The following DBX1 variants were observed in gnomAD, a reference collection of about 807,000 sequenced individuals.
DBX1 encodes the protein homeobox protein DBX1.
Under a neutral mutation model 20.8 loss-of-function variants are expected in DBX1, and 10 were observed. The ratio of observed to expected loss-of-function variants is 0.48; its 90% CI spans 0.30 to 0.82. The LOEUF is 0.82. Among genes scored for constraint, DBX1 ranks in the 40% least tolerant of loss-of-function variants. DBX1 has a pLI of 0.07. For synonymous variants in DBX1, 241 were observed against 213.9 expected, an observed-to-expected ratio of 1.13 and a Z score of -1.11; for missense variants, 505 against 468.8, an observed-to-expected ratio of 1.08 and a Z score of -0.71.
chr11:20,160,181 G>T lies in DBX1; in HGVS notation c.144C>A (p.Ser48Arg), dbSNP rs1369407147. The T allele has an allele frequency of 8.4e-6, 13 of 1,547,586 alleles. No individual in the cohort carries two copies. In the East Asian group the frequency reaches 2.7e-4, roughly 32 times the overall value. ...SFLVEDLIRISRPPAYLPRSV... is the reference protein window; with the variant it reads ...SFLVEDLIRIRRPPAYLPRSV... ...TGCGGGGCAGGTAGGCGGGGGGTCG[G>T]CTGATGCGGATCAGATCCTCCACCA... The change falls in exon 1 of 4, where the codon AGC becomes AGA. Residue 48 changes from serine to arginine, a missense_variant. Transcript: ENST00000524983.
chr11:20,157,445 G>A (rs2063666227), intron 2 of DBX1, among the ~76,000 whole-genome samples: 1 of 152,228 alleles, frequency 6.6e-6, no homozygotes, highest in East Asian at 1.9e-4. Context: ...TGCAAACCCG[G>A]ATTAGGTAAA....
At chr11:20,157,605 CTG>C (rs889472993) in intron 2 of DBX1, among the ~76,000 whole-genome samples, 10 of 152,190 alleles carry the variant, frequency 6.6e-5, no homozygotes, top group African/African-American at 2.4e-4. Flanking sequence ...GCCGAGGCCA[CTG>C]TGTTTCTCCC....
Position 20,156,743 on chromosome 11 carries a change from C to T in DBX1, c.673-170G>A, listed in dbSNP as rs1305321683. 1.7e-5 allele frequency: 19 copies of T among 1,089,842 alleles called. No homozygotes were observed. The highest frequency in any genetic ancestry group is 2.5e-5 in the Non-Finnish European group (18 of 723,272). 67.5% of individuals were successfully genotyped at this position (1,089,842 alleles called of 1,614,324 possible). ...GGTGGATTCCCGCATTGACTCCGCCCCCGCCTCAGCTCGCGGTTCCGTTTG... is the reference window on the plus strand; with the variant it reads ...GGTGGATTCCCGCATTGACTCCGCCTCCGCCTCAGCTCGCGGTTCCGTTTG... On this transcript the variant is annotated intron_variant, in intron 3 of 3. Transcript: ENST00000524983. This position sits in a 1 kb window ranked among gnomAD's most constrained non-coding sequence, Gnocchi z 4.8.
Position 20,159,000 on chromosome 11 carries a change from G to A in DBX1, c.469+191C>T, listed in dbSNP as rs536361437. On this transcript the variant is annotated intron_variant, in intron 2 of 3. Transcript: ENST00000524983. ...GCAGGGAATTGGTGCAAAGTGTCAA[G>A]CAGTCACTGCTTGTGCTCAATAGGG... Among the ~76,000 whole-genome samples the A allele has an allele frequency of 6.8e-4, 104 of 152,308 alleles. 1 individual carries two copies. The Middle Eastern group carries it at 0.027, about 40-fold the overall frequency.
Position 20,156,717 on chromosome 11 carries a change from C to T in DBX1, c.673-144G>A, listed in dbSNP as rs778136265. Reference sequence around the variant, plus strand: ...TCTCCCCACCCCCAGAAATGAGTTCCGGTGGATTCCCGCATTGACTCCGCC... The same window carrying T: ...TCTCCCCACCCCCAGAAATGAGTTCTGGTGGATTCCCGCATTGACTCCGCC... On this transcript the variant is annotated intron_variant, in intron 3 of 3. Coordinates refer to ENST00000524983, the MANE Select transcript of DBX1 (RefSeq NM_001029865.4). The surrounding 1 kb of genome is among the most constrained non-coding windows in gnomAD (Gnocchi z 4.8). 3.9e-6 allele frequency: 5 copies of T among 1,267,862 alleles called. No individual in the cohort carries two copies. The South Asian group carries it at 4.8e-5, about 12-fold the overall frequency. The allele number at this position is 1,267,862 out of a possible 1,614,324, so 78.5% of individuals were successfully genotyped here.
chr11:20,156,815 T>G lies in DBX1; in HGVS notation c.672+222A>C, dbSNP rs561767701. The G allele has an allele frequency of 3.8e-5, 29 of 773,138 alleles. No homozygotes were observed. In the South Asian group the frequency reaches 4.6e-4, roughly 12 times the overall value. The allele number at this position is 773,138 out of a possible 1,614,324, so 47.9% of individuals were successfully genotyped here. A position where few individuals can be genotyped will look rare whatever the true frequency, so the allele number is the denominator to read the frequency against. ...CCCGAAGGGCGGGGTTGGGGGCCGG[T>G]GAGGCCGGGAGAGAAGGCGGGGAGT... On this transcript the variant is annotated intron_variant, in intron 3 of 3. Coordinates refer to ENST00000524983, the MANE Select transcript of DBX1 (RefSeq NM_001029865.4). The surrounding 1 kb of genome is among the most constrained non-coding windows in gnomAD (Gnocchi z 4.8).
At chr11:20,159,835 C>T in intron 1 of DBX1, 123 bp downstream of exon 1, 1 of 1,343,610 alleles carries the variant, frequency 7.4e-7, no homozygotes, top group Non-Finnish European at 1.0e-6. Flanking sequence ...TCTCAGAGTT[C>T]GTGCGTATTG....
At position 20,160,051 on chromosome 11, in the gene DBX1, C is replaced by T. The variant is rs2063682067; in HGVS notation, c.274G>A (p.Gly92Ser). 3.1e-6 allele frequency: 5 copies of T among 1,587,540 alleles called. No individual in the cohort carries two copies. Among genetic ancestry groups the T allele is most frequent in the Non-Finnish European group, 4.3e-6 (5 of 1,167,318 alleles). Residue 92 changes from glycine to serine, a missense_variant, in exon 1 of 4, where the codon GGC becomes AGC. By Grantham distance (56) the Gly-to-Ser change is moderately conservative. Transcript: ENST00000524983. Reference protein sequence around the residue: ...LGSPGPGSRRGGSPPTAFSPA... With the variant: ...LGSPGPGSRRSGSPPTAFSPA... ...GAGAAGGCAGTCGGCGGAGAGCCGC[C>T]CCGTCGGCTGCCGGGACCCGGGGAG...
At position 20,157,070 on chromosome 11, in the gene DBX1, C is replaced by G. The variant is rs1245133977; in HGVS notation, c.639G>C (p.Lys213Asn). The part of the protein sequence containing the change: ...QKYISKPDRK[K>N]LAAKLGLKDS... ...CTTTCAGGCCCAGCTTGGCCGCCAG[C>G]TTCTTGCGGTCGGGCTTGCTGATGT... The change falls in exon 3 of 4, where the codon AAG (lysine) becomes AAC (asparagine). Residue 213 changes from lysine (K) to asparagine (N), a missense_variant. Coordinates refer to ENST00000524983, the MANE Select transcript of DBX1 (RefSeq NM_001029865.4). The G allele has an allele frequency of 1.2e-6, 2 of 1,613,942 alleles. No homozygotes were observed. The highest frequency in any genetic ancestry group is 1.3e-5 in the African/African-American group (1 of 74,940).
intron 2 of DBX1, among the ~76,000 whole-genome samples, chr11:20,157,648 A>C (rs551545606): frequency 4.6e-5 from 7 of 152,208 alleles, no homozygotes; most frequent in African/African-American, 7.2e-5. Flanking sequence ...TGGCTTTTGC[A>C]TTCTTTAGAT....
At chr11:20,158,239 GTGC>G (rs1447806756) in intron 2 of DBX1, among the ~76,000 whole-genome samples, 2 of 87,150 alleles carry the variant, frequency 2.3e-5, no homozygotes, top group East Asian at 4.6e-4. Flanking sequence ...GGTGGTGGTG[GTGC>G]TGGGGGGTGG....
chr11:20,159,885 G>T, intron 1 of DBX1, 73 bp downstream of exon 1: 2 of 1,606,698 alleles, frequency 1.2e-6, no homozygotes, highest in African/African-American at 2.7e-5. Flanking sequence ...GCTCGCTAGA[G>T]GAAACTGAGG....
Position 20,156,635 on chromosome 11 carries a change from G to A in DBX1, c.673-62C>T, listed in dbSNP as rs570364224. 4 of 1,612,260 alleles carry A rather than the reference G, an allele frequency of 2.5e-6. No homozygotes were observed. In the African/African-American group the frequency reaches 4.0e-5, roughly 16 times the overall value. ...AGAGGTCAGATCAGGGGCTCCGGGG[G>A]ACGCACGGGGGCGGGGAGTGGAGTC... On this transcript the variant is annotated intron_variant, in intron 3 of 3. Transcript: ENST00000524983. The surrounding 1 kb of genome is among the most constrained non-coding windows in gnomAD (Gnocchi z 4.8).
chr11:20,156,780 G>T lies in DBX1; in HGVS notation c.673-207C>A. ...CGCGGTTCCGTTTGCCTCATCCGCT[G>T]CCACCCTGCCCCGAAGGGCGGGGTT... On this transcript the variant is annotated intron_variant, in intron 3 of 3. Transcript: ENST00000524983. This position sits in a 1 kb window ranked among gnomAD's most constrained non-coding sequence, Gnocchi z 4.8. 1.1e-6 allele frequency: 1 copy of T among 882,924 alleles called. No individual in the cohort carries two copies. Among genetic ancestry groups the T allele is most frequent in the Non-Finnish European group, 1.8e-6 (1 of 556,628 alleles). The allele number at this position is 882,924 out of a possible 1,614,324, so 54.7% of individuals were successfully genotyped here.
Position 20,156,957 on chromosome 11 carries a change from G to C in DBX1, c.672+80C>G. 6.9e-7 allele frequency: 1 copy of C among 1,443,294 alleles called. No homozygotes were observed. The highest frequency in any genetic ancestry group is 1.5e-5 in the African/African-American group (1 of 68,782). The allele number at this position is 1,443,294 out of a possible 1,614,324, so 89.4% of individuals were successfully genotyped here. A position where few individuals can be genotyped will look rare whatever the true frequency, so the allele number is the denominator to read the frequency against. On this transcript the variant is annotated intron_variant, in intron 3 of 3. Coordinates refer to ENST00000524983, the MANE Select transcript of DBX1 (RefSeq NM_001029865.4). This position sits in a 1 kb window ranked among gnomAD's most constrained non-coding sequence, Gnocchi z 4.8. ...GTACAGTGGGACCTAAGCCGTTTCC[G>C]AACCCTTGCAATTGACGGGTGCGCC... is the stretch of plus-strand genomic sequence containing the variant.
rs1592273014 is a variant in DBX1, at chr11:20,157,238, A to G, written c.471T>C (p.Ala157=). The change falls in exon 3 of 4, where the codon GCT becomes GCC. Residue 157 remains alanine (A), a splice_region_variant and synonymous_variant. Coordinates refer to ENST00000524983, the MANE Select transcript of DBX1 (RefSeq NM_001029865.4). ...CGGGGATGGGCACCACGCTGGAGGA[A>G]GCTGCAGGGTGGGGGGAGGTGGCGA... ...QPFIRSSYFP[A]SSSVVPIPGT... 1 of 1,563,546 alleles carries G rather than the reference A, an allele frequency of 6.4e-7. No individual in the cohort carries two copies. Among genetic ancestry groups the G allele is most frequent in the East Asian group, 2.4e-5 (1 of 42,504 alleles).
rs1000434461 is a variant in DBX1, at chr11:20,156,420, C to T, written c.826G>A (p.Glu276Lys). The change falls in exon 4 of 4, where the codon GAA (glutamate) becomes AAA (lysine). Residue 276 changes from glutamate to lysine, a missense_variant. Physicochemically the swap from Glu to Lys is moderately conservative, Grantham distance 56 (BLOSUM62 1). Transcript: ENST00000524983. This position sits in a 1 kb window ranked among gnomAD's most constrained non-coding sequence, Gnocchi z 4.8. ...SDVGQKGPGN[E>K]EEEEGPGSPS... ...CTGCCCGGGCCCTCCTCCTCCTCTT[C>T]GTTCCCAGGGCCCTTCTGGCCCACG... is the stretch of plus-strand genomic sequence containing the variant. 2 of 1,604,774 alleles carry T rather than the reference C, an allele frequency of 1.2e-6. No individual in the cohort carries two copies. Among genetic ancestry groups the T allele is most frequent in the Non-Finnish European group, 8.5e-7 (1 of 1,175,410 alleles).
Position 20,160,474 on chromosome 11 carries a change from C to T in DBX1, c.-150G>A. 7 of 1,029,784 alleles carry T rather than the reference C, an allele frequency of 6.8e-6. No homozygotes were observed. The highest frequency in any genetic ancestry group is 9.3e-6 in the Non-Finnish European group (7 of 753,118). 63.8% of individuals were successfully genotyped at this position (1,029,784 alleles called of 1,614,324 possible). On this transcript the variant is annotated 5_prime_UTR_variant, in exon 1 of 4. Coordinates refer to ENST00000524983, the MANE Select transcript of DBX1 (RefSeq NM_001029865.4). ...TCCCACTTGGGCGTCTGCGAGTCCT[C>T]CGTGGTCCTCTCGTCGAGGTGATGG...
In DBX1 at chr11:20,160,354, C is replaced by T. The variant is rs1238193478; in HGVS notation, c.-30G>A. Reference sequence around the variant, plus strand: ...GGCGCGGGCGGGCGAAATAACCCTTCTTTCAGTGGCCGGAGGGTAAACGCC... The same window carrying T: ...GGCGCGGGCGGGCGAAATAACCCTTTTTTCAGTGGCCGGAGGGTAAACGCC... On this transcript the variant is annotated 5_prime_UTR_variant, in exon 1 of 4. Transcript: ENST00000524983. 6.8e-6 allele frequency: 10 copies of T among 1,474,704 alleles called. No homozygotes were observed. Among genetic ancestry groups the T allele is most frequent in the Non-Finnish European group, 8.1e-6 (9 of 1,114,686 alleles). The allele number at this position is 1,474,704 out of a possible 1,614,324, so 91.4% of individuals were successfully genotyped here.
Sources: gnomAD v4.1 joint callset for allele counts (sites outside exome capture counted in the v4.1 genomes callset) on GRCh38, gnomAD v4.1.1 for gene constraint, Gnocchi (gnomAD v3.1) non-coding constraint, MANE v1.5 for transcripts, NCBI Gene and HGNC (gene_info 2026-07-23, HGNC 2026-07-21) for gene names.